AFF1: variants seen among roughly 807,000 people sequenced by gnomAD.
AFF1 encodes the protein AF4/FMR2 family member 1.
Under a neutral mutation model 121.7 loss-of-function variants are expected in AFF1, and 48 were observed. The ratio of observed to expected loss-of-function variants is 0.39; its 90% CI spans 0.31 to 0.50. AFF1 has a LOEUF of 0.50. Ranked by LOEUF, AFF1 falls within the 20% of genes least tolerant of loss-of-function variation. AFF1 has a pLI of 0.76. For synonymous variants in AFF1, 613 were observed against 563.0 expected, an observed-to-expected ratio of 1.09 and a Z score of -1.26; for missense variants, 1,523 against 1,511.7, an observed-to-expected ratio of 1.01 and a Z score of -0.12.
rs1303432449 is a variant in AFF1, at chr4:87,136,449, A to G, written c.*748A>G. 4.3e-6 allele frequency: 1 copy of G among 232,370 alleles called. No homozygotes were observed. Among genetic ancestry groups the G allele is most frequent in the African/African-American group, 2.2e-5 (1 of 45,274 alleles). 14.4% of individuals were successfully genotyped at this position (232,370 alleles called of 1,614,324 possible). ...GAGCGGTGAGGAGGAGCCACAGCAC[A>G]TGGGGTGCCACCTCGAGGTCTGCAC... On this transcript the variant is annotated 3_prime_UTR_variant, in exon 21 of 21. Coordinates refer to ENST00000395146, the MANE Select transcript of AFF1 (RefSeq NM_001166693.3).
intron 2 of AFF1, among the ~76,000 whole-genome samples, chr4:86,963,894 T>C (rs1462560258): frequency 6.6e-6 from 1 of 150,710 alleles, no homozygotes; most frequent in Non-Finnish European, 1.5e-5. Context: ...TCTCCTGGGC[T>C]CAAGTGATCT....
At chr4:86,939,604 T>A (rs1223301540) in intron 1 of AFF1, among the ~76,000 whole-genome samples, 1 of 152,238 alleles carries the variant, frequency 6.6e-6, no homozygotes, top group African/African-American at 2.4e-5. Flanking sequence ...GCTGCCTTAG[T>A]GCTTGAAAAC....
At chr4:87,110,438 GTTTTT>G (rs1553933626) in intron 11 of AFF1, among the ~76,000 whole-genome samples, 2 of 112,186 alleles carry the variant, frequency 1.8e-5, no homozygotes, top group East Asian at 5.5e-4. Flanking sequence ...TCTTGTTCTG[GTTTTT>G]TTGTTTTGTT....
intron 2 of AFF1, among the ~76,000 whole-genome samples, chr4:87,037,756 G>A (rs1729713150): frequency 6.6e-6 from 1 of 152,106 alleles, no homozygotes; most frequent in Admixed American, 6.5e-5. Context: ...AGTCACGTTT[G>A]CCCAAGTGTA....
intron 18 of AFF1, 78 bp from the exon 19 acceptor site, chr4:87,132,193 T>C (rs1237377387): frequency 6.5e-7 from 1 of 1,537,720 alleles, no homozygotes; most frequent in African/African-American, 1.4e-5. Flanking sequence ...GTGTGTTCAT[T>C]AGGCTATAAA....
chr4:87,056,749 A>C (rs1187502578), intron 4 of AFF1, among the ~76,000 whole-genome samples: 1 of 152,252 alleles, frequency 6.6e-6, no homozygotes, highest in Non-Finnish European at 1.5e-5. Flanking sequence ...ATGACATAGC[A>C]TAAAAATCCA....
At chr4:87,056,731 A>G (rs938438048) in intron 4 of AFF1, among the ~76,000 whole-genome samples, 1 of 152,234 alleles carries the variant, frequency 6.6e-6, no homozygotes, top group African/African-American at 2.4e-5. Context: ...AGGCACAGTA[A>G]ATTTATTATG....
intron 12 of AFF1, among the ~76,000 whole-genome samples, chr4:87,124,281 A>G (rs552197744): frequency 7.2e-5 from 11 of 152,318 alleles, no homozygotes; most frequent in African/African-American, 2.2e-4. Context: ...CTTAAATTCA[A>G]TAGTGACAGA....
Position 87,064,351 on chromosome 4 carries a change from G to A in AFF1, c.1059+16757G>A, listed in dbSNP as rs547061021. Among the ~76,000 whole-genome samples the A allele has an allele frequency of 3.3e-5, 5 of 152,316 alleles. No homozygotes were observed. The East Asian group carries it at 9.6e-4, about 29-fold the overall frequency. Reference sequence around the variant, plus strand: ...TAGGCAACATTTGTATTGACTGATAGAGTAAGATGGTTTTACAGGGTAGGA... The same window carrying A: ...TAGGCAACATTTGTATTGACTGATAAAGTAAGATGGTTTTACAGGGTAGGA... On this transcript the variant is annotated intron_variant, in intron 4 of 20. Coordinates refer to ENST00000395146, the MANE Select transcript of AFF1 (RefSeq NM_001166693.3).
intron 2 of AFF1, among the ~76,000 whole-genome samples, chr4:87,000,729 G>T (rs554439056): frequency 6.6e-6 from 1 of 151,376 alleles, no homozygotes; most frequent in Non-Finnish European, 1.5e-5. Flanking sequence ...GATTGATCAG[G>T]GTATTAGGGT....
chr4:87,004,056 A>G (rs184022198), intron 2 of AFF1, among the ~76,000 whole-genome samples: 1 of 152,352 alleles, frequency 6.6e-6, no homozygotes, highest in African/African-American at 2.4e-5. Flanking sequence ...ATTTATTGAA[A>G]TGCGTATTCC....
intron 4 of AFF1, among the ~76,000 whole-genome samples, chr4:87,077,815 T>C (rs1442275870): frequency 6.6e-6 from 1 of 152,226 alleles, no homozygotes; most frequent in African/African-American, 2.4e-5. Flanking sequence ...AGCATCCTTA[T>C]TCTTTGTTGT....
intron 4 of AFF1, among the ~76,000 whole-genome samples, chr4:87,055,631 T>C (rs1481398807): frequency 3.3e-5 from 5 of 152,200 alleles, no homozygotes; most frequent in South Asian, 4.1e-4. Flanking sequence ...TTTTAGCTCT[T>C]CTCTAGATTA....
chr4:87,087,332 G>A (rs1042228875), intron 5 of AFF1, among the ~76,000 whole-genome samples: 2 of 152,234 alleles, frequency 1.3e-5, no homozygotes, highest in Admixed American at 6.5e-5. Flanking sequence ...TGTTGATGGT[G>A]CTGTGAATAA....
chr4:87,000,971 C>T (rs1319557940), intron 2 of AFF1, among the ~76,000 whole-genome samples: 2 of 151,740 alleles, frequency 1.3e-5, no homozygotes, highest in Non-Finnish European at 2.9e-5. Flanking sequence ...TCTGATGGCC[C>T]TATACATCTC....
intron 19 of AFF1, among the ~76,000 whole-genome samples, 194 bp from the exon 20 acceptor site, chr4:87,134,277 C>T (rs1006288131): frequency 3.3e-5 from 5 of 152,310 alleles, no homozygotes; most frequent in East Asian, 1.9e-4. Flanking sequence ...CATGGGAAAG[C>T]ATATTTGGAA....
intron 2 of AFF1, among the ~76,000 whole-genome samples, chr4:86,974,599 A>G (rs1723165564): frequency 6.6e-6 from 1 of 152,208 alleles, no homozygotes; most frequent in Non-Finnish European, 1.5e-5. Flanking sequence ...TGAAGTGCAG[A>G]TGAAGGTATT....
Position 87,137,449 on chromosome 4 carries a change from C to T in AFF1, c.*1748C>T, listed in dbSNP as rs1729391495. 1 of 230,942 alleles carries T rather than the reference C, an allele frequency of 4.3e-6. No homozygotes were observed. Among genetic ancestry groups the T allele is most frequent in the Admixed American group, 5.7e-5 (1 of 17,684 alleles). 14.3% of individuals were successfully genotyped at this position (230,942 alleles called of 1,614,324 possible). On this transcript the variant is annotated 3_prime_UTR_variant, in exon 21 of 21. Transcript: ENST00000395146. ...CACAGTGTGAGTGGTCTGTGTGAGG[C>T]TGTTCCTTCAGTTTCTTCTCCAGAC...
intron 1 of AFF1, among the ~76,000 whole-genome samples, chr4:86,940,916 T>C (rs950150456): frequency 6.6e-6 from 1 of 151,306 alleles, no homozygotes; most frequent in African/African-American, 2.4e-5. Flanking sequence ...GGTGAAACCC[T>C]GTCTCTACTA....
Sources: gnomAD v4.1 joint callset for allele counts (sites outside exome capture counted in the v4.1 genomes callset) on GRCh38, gnomAD v4.1.1 for gene constraint, MANE v1.5 for transcripts, NCBI Gene and HGNC (gene_info 2026-07-23, HGNC 2026-07-21) for gene names.